The following DAB1 variants were observed in gnomAD, a reference collection of about 807,000 sequenced individuals.
DAB1 encodes DAB adaptor protein 1, also known as disabled homolog 1.
A neutral mutation model predicts 64.6 loss-of-function variants in DAB1; 15 were observed. The observed-to-expected ratio is 0.23, with a 90% confidence interval of 0.16 to 0.36. The LOEUF (loss-of-function observed/expected upper bound fraction) is 0.36. Ranked by LOEUF, DAB1 falls within the 10% of genes least tolerant of loss-of-function variation. The pLI, the probability that DAB1 is intolerant of heterozygous loss-of-function variation, is 1.00. For synonymous variants in DAB1, 235 were observed against 251.9 expected (o/e 0.93, Z 0.64); for missense variants, 596 against 706.7 (o/e 0.84, Z 1.78).
chr1:57,860,648 T>G (rs1653971863), intron 1 of DAB1: 2 of 152,188 alleles, frequency 1.3e-5, no homozygotes, highest in Admixed American at 1.3e-4. Context: ...CAGGCCTAGT[T>G]TTTTAAGAAG....
chr1:58,124,933 G>A (rs1325184762), intron 5 of DAB1, among the ~76,000 whole-genome samples: 3 of 152,110 alleles, frequency 2.0e-5, no homozygotes, highest in Non-Finnish European at 2.9e-5. Context: ...ACAACATGGC[G>A]TTAACAGATC....
chr1:58,525,392 A>G (rs1646333792), intron 2 of DAB1, among the ~76,000 whole-genome samples: 2 of 152,184 alleles, frequency 1.3e-5, no homozygotes. Context: ...AAAGGAAGAA[A>G]TAAAGGTTGC....
At chr1:58,525,281 C>T (rs911738153) in intron 2 of DAB1, among the ~76,000 whole-genome samples, 6 of 151,604 alleles carry the variant, frequency 4.0e-5, no homozygotes, top group African/African-American at 1.2e-4. Flanking sequence ...TGCACATTTC[C>T]AAAAAACCTT....
intron 3 of DAB1, among the ~76,000 whole-genome samples, chr1:58,458,354 A>C (rs756376431): frequency 5.3e-5 from 8 of 152,244 alleles, no homozygotes; most frequent in Middle Eastern, 3.4e-3. Context: ...GATCCTTTGG[A>C]GATAGGTGTT....
chr1:57,470,815 C>T (rs1218317587), intron 7 of DAB1, among the ~76,000 whole-genome samples: 2 of 152,202 alleles, frequency 1.3e-5, no homozygotes, highest in African/African-American at 2.4e-5. Context: ...TTTAACTCTG[C>T]CTGGTTGATA....
At chr1:58,288,038 A>AAAAAAAAAG (rs1557722959) in intron 4 of DAB1, among the ~76,000 whole-genome samples, 1 of 122,660 alleles carries the variant, frequency 8.2e-6, no homozygotes, top group African/African-American at 3.0e-5. Flanking sequence ...AAAAAAAAAA[A>AAAAAAAAAG]AAAAAAAGAA....
chr1:57,126,472 G>A (rs1312630071), intron 4 of DAB1, among the ~76,000 whole-genome samples: 1 of 152,058 alleles, frequency 6.6e-6, no homozygotes, highest in Non-Finnish European at 1.5e-5. Context: ...GAACCTTGGC[G>A]TTATATTCCA....
intron 3 of DAB1, among the ~76,000 whole-genome samples, chr1:58,426,693 C>T (rs1044864704): frequency 6.6e-6 from 1 of 152,160 alleles, no homozygotes; most frequent in African/African-American, 2.4e-5. Flanking sequence ...GAAACAGACA[C>T]CTTCTTGTAT....
chr1:57,202,407 T>C (rs748726641), intron 2 of DAB1, among the ~76,000 whole-genome samples: 5 of 152,296 alleles, frequency 3.3e-5, no homozygotes, highest in Middle Eastern at 3.4e-3. Context: ...TCATAGCACA[T>C]TGGAATCTGG....
intron 1 of DAB1, among the ~76,000 whole-genome samples, chr1:57,422,366 G>C (rs1159490818): frequency 6.6e-6 from 1 of 152,164 alleles, no homozygotes; most frequent in Non-Finnish European, 1.5e-5. Flanking sequence ...TCGCAGGAGG[G>C]CTCGCCCCCG....
intron 1 of DAB1, among the ~76,000 whole-genome samples, chr1:57,857,219 T>C (rs1653794146): frequency 6.6e-6 from 1 of 152,222 alleles, no homozygotes; most frequent in Non-Finnish European, 1.5e-5. Flanking sequence ...CAAGTGGGCA[T>C]TGTTAGACAA....
chr1:58,526,601 C>CAAAA (rs10574530), intron 2 of DAB1, among the ~76,000 whole-genome samples: 2,717 of 121,172 alleles, frequency 0.022, 94 homozygotes, highest in African/African-American at 0.078. Flanking sequence ...CTATGGCTAG[C>CAAAA]AAAAAAAAAA....
chr1:58,230,145 C>T (rs577366558), intron 4 of DAB1, among the ~76,000 whole-genome samples: 14 of 152,246 alleles, frequency 9.2e-5, no homozygotes, highest in African/African-American at 2.9e-4. Context: ...AAAAAAAGAA[C>T]AAGGTGACCT....
At chr1:57,639,430 C>T (rs1646101325) in intron 7 of DAB1, among the ~76,000 whole-genome samples, 1 of 151,408 alleles carries the variant, frequency 6.6e-6, no homozygotes, top group Non-Finnish European at 1.5e-5. Flanking sequence ...TTTAAAGTCT[C>T]CAATAAGGAA....
intron 5 of DAB1, among the ~76,000 whole-genome samples, chr1:58,104,145 CAG>C (rs1477659940): frequency 1.3e-5 from 2 of 152,260 alleles, no homozygotes; most frequent in Non-Finnish European, 2.9e-5. Context: ...GTGCCAGGCA[CAG>C]AGAGGGAAAT....
At chr1:57,439,661 T>A (rs896603280) in intron 7 of DAB1, among the ~76,000 whole-genome samples, 2 of 142,488 alleles carry the variant, frequency 1.4e-5, no homozygotes, top group African/African-American at 5.5e-5. Flanking sequence ...TCTTCTGACC[T>A]CATGATCTGC....
In DAB1 at chr1:57,965,167, G is replaced by C. The variant is rs568686002; in HGVS notation, n.388-81005C>G. 5.3e-5 allele frequency among the ~76,000 whole-genome samples: 8 copies of C among 149,966 alleles called. No homozygotes were observed. The South Asian group carries it at 1.3e-3, about 24-fold the overall frequency. ...TATAGAGAGACAGAGTAGGAAACAG[G>C]CTAGAAAGACAAAGTCAGATCGTAG... On this transcript the variant is annotated intron_variant and non_coding_transcript_variant, in intron 5 of 20. Transcript: ENST00000485760.
intron 4 of DAB1, among the ~76,000 whole-genome samples, chr1:57,082,926 A>G (rs1652692999): frequency 6.6e-6 from 1 of 152,194 alleles, no homozygotes; most frequent in Non-Finnish European, 1.5e-5. Flanking sequence ...CAGGCTGAAT[A>G]AGTATGGAAA....
At chr1:57,407,391 C>T (rs939723939) in intron 1 of DAB1, among the ~76,000 whole-genome samples, 2 of 152,198 alleles carry the variant, frequency 1.3e-5, no homozygotes, top group African/African-American at 2.4e-5. Context: ...GAGAGTTCTG[C>T]CATCATTCAA....
Sources: gnomAD v4.1 joint callset for allele counts (sites outside exome capture counted in the v4.1 genomes callset) on GRCh38, gnomAD v4.1.1 for gene constraint, MANE v1.5 for transcripts, NCBI Gene and HGNC (gene_info 2026-07-23, HGNC 2026-07-21) for gene names.